The following CEP295NL variants were observed in gnomAD, a reference collection of about 807,000 sequenced individuals.
CEP295NL encodes the protein protein DDC8 homolog.
A neutral mutation model predicts 4.6 loss-of-function variants in CEP295NL; 3 were observed. The ratio of observed to expected loss-of-function variants is 0.65; its 90% confidence interval spans 0.30 to 1.69. The LOEUF (loss-of-function observed/expected upper bound fraction) is 1.69, where lower values mean the gene tolerates loss of function less well. Ranked by LOEUF, CEP295NL falls within the 40% of genes most tolerant of loss-of-function variation. CEP295NL has a pLI of 0.10. For synonymous variants in CEP295NL, 295 were observed against 312.2 expected, an observed-to-expected ratio of 0.94 and a Z score of 0.58; for missense variants, 719 against 769.0, an observed-to-expected ratio of 0.93 and a Z score of 0.77.
At position 78,891,830 on chromosome 17, in the gene CEP295NL, C is replaced by T; in HGVS notation, c.674G>A (p.Gly225Glu). The T allele has an allele frequency of 1.3e-6, 2 of 1,550,854 alleles. No individual in the cohort carries two copies. The highest frequency in any genetic ancestry group is 2.4e-5 in the South Asian group (2 of 84,064). Residue 225 changes from glycine to glutamate, a missense_variant, in exon 3 of 3, where the codon GGA becomes GAA. Gly to Glu is a moderately conservative substitution (Grantham distance 98, BLOSUM62 -2). Coordinates refer to ENST00000322630, the MANE Select transcript of CEP295NL (RefSeq NM_001243540.2). This position sits in a 1 kb window ranked among gnomAD's most constrained non-coding sequence, Gnocchi z 4.5. The stretch of plus-strand genomic sequence containing the variant: ...AGACTTGGTCGAAGGTTCTGGCCTT[C>T]CCTTTCTCTTCTCAGGCGGGGCCAG... ...SHLAPPEKRK[G>E]RPEPSTKSGG...
chr17:78,891,539 G>C lies in CEP295NL; in HGVS notation c.965C>G (p.Ala322Gly). 6.4e-7 allele frequency: 1 copy of C among 1,550,992 alleles called. No individual in the cohort carries two copies. The highest frequency in any genetic ancestry group is 8.7e-7 in the Non-Finnish European group (1 of 1,147,096). Residue 322 changes from alanine (A) to glycine (G), a missense_variant, in exon 3 of 3, where the codon GCC becomes GGC. Transcript: ENST00000322630. This position sits in a 1 kb window ranked among gnomAD's most constrained non-coding sequence, Gnocchi z 4.5. ...CGTGCACTGAGATGCTGGGGACACGGCTTCCCTTCTGCAGCTGGAATCAGC... is the reference window on the plus strand; with the variant it reads ...CGTGCACTGAGATGCTGGGGACACGCCTTCCCTTCTGCAGCTGGAATCAGC... Reference protein sequence around the residue: ...WPADSSCRREAVSPASQCTLR... With the variant: ...WPADSSCRREGVSPASQCTLR...
chr17:78,901,338 C>A, intron 2 of CEP295NL: 1 of 167,124 alleles, frequency 6.0e-6, no homozygotes, highest in South Asian at 1.5e-4. Flanking sequence ...AGGAATAAAC[C>A]TGTCCAGAAC....
rs1414883464 is a variant in CEP295NL, at chr17:78,901,821, G to A, written c.8C>T (p.Ser3Phe). 1 of 715,782 alleles carries A rather than the reference G, an allele frequency of 1.4e-6. No homozygotes were observed. The highest frequency in any genetic ancestry group is 2.0e-5 in the Admixed American group (1 of 49,706). 44.3% of individuals were successfully genotyped at this position (715,782 alleles called of 1,614,324 possible). A position where few individuals can be genotyped will look rare whatever the true frequency, so the allele number is the denominator to read the frequency against. Reference protein sequence around the residue: MCSGWSSSVIWRH... With the variant: MCFGWSSSVIWRH... ...CCAGATGACTGAGCTAGACCACCCA[G>A]AACACATTACAGGGAGGCAGAAGCT... The change falls in exon 2 of 3, where the codon TCT (serine) becomes TTT (phenylalanine). Residue 3 changes from serine (S) to phenylalanine (F), a missense_variant. Coordinates refer to ENST00000322630, the MANE Select transcript of CEP295NL (RefSeq NM_001243540.2).
rs2069898165 is a variant in CEP295NL at position 78,891,703 on chromosome 17, C to T, written c.801G>A (p.Glu267=). 1 of 1,551,014 alleles carries T rather than the reference C, an allele frequency of 6.4e-7. No individual in the cohort carries two copies. The highest frequency in any genetic ancestry group is 8.7e-7 in the Non-Finnish European group (1 of 1,147,130). ...CCCGAGCTGTTCCTTTCTCTTTTTC[C>T]TCCACAAGCCCGATTTCTCCCACAG... ...VAAVGEIGLV[E]EKEKGTARAG... is the part of the protein sequence containing the mutation. Residue 267 remains glutamate, a synonymous_variant, in exon 3 of 3, where the codon GAG becomes GAA. Coordinates refer to ENST00000322630, the MANE Select transcript of CEP295NL (RefSeq NM_001243540.2). The surrounding 1 kb of genome is among the most constrained non-coding windows in gnomAD (Gnocchi z 4.5).
rs113205945 is a variant in CEP295NL, at chr17:78,891,191, G to A, written c.1313C>T (p.Thr438Met). The change falls in exon 3 of 3, where the codon ACG becomes ATG. Residue 438 changes from threonine (T) to methionine (M), a missense_variant. Physicochemically the swap from Thr to Met is moderately conservative, Grantham distance 81. Coordinates refer to ENST00000322630, the MANE Select transcript of CEP295NL (RefSeq NM_001243540.2). The surrounding 1 kb of genome is among the most constrained non-coding windows in gnomAD (Gnocchi z 4.5). The stretch of plus-strand genomic sequence containing the variant: ...TCCATTTCTAAACGTGGGCTTGACC[G>A]TGCCCTGATATTTTTGGTTCTGGGC... ...GKAQNQKYQG[T>M]VKPTFRNGSQ... 16,412 of 1,550,660 alleles carry A rather than the reference G, an allele frequency of 0.011. 116 individuals carry two copies. Among genetic ancestry groups the A allele is most frequent in the Non-Finnish European group, 0.012 (14,128 of 1,147,008 alleles).
intron 2 of CEP295NL, among the ~76,000 whole-genome samples, chr17:78,900,506 C>G (rs984845733): frequency 2.7e-5 from 4 of 150,318 alleles, no homozygotes; most frequent in African/African-American, 9.8e-5. Flanking sequence ...GATCGCACCA[C>G]TGTACTCTAG....
In CEP295NL at chr17:78,890,842, C is replaced by T. The variant is rs934789998; in HGVS notation, c.1662G>A (p.Lys554=). ...TTTCCTGGGCTCTCGTGGAGGAGGA[C>T]TTCAGATGGGCCAGTCGAGCTCTTC... ...EQRRARLAHL[K]SSSTRAQERE... The change falls in exon 3 of 3, where the codon AAG becomes AAA. Residue 554 remains lysine, a synonymous_variant. Coordinates refer to ENST00000322630, the MANE Select transcript of CEP295NL (RefSeq NM_001243540.2). The T allele has an allele frequency of 9.0e-6, 14 of 1,550,610 alleles. No homozygotes were observed. Among genetic ancestry groups the T allele is most frequent in the Non-Finnish European group, 1.2e-5 (14 of 1,147,018 alleles).
At chr17:78,895,335 C>T (rs1333927446) in intron 2 of CEP295NL, among the ~76,000 whole-genome samples, 1 of 152,082 alleles carries the variant, frequency 6.6e-6, no homozygotes, top group African/African-American at 2.4e-5. Context: ...GATATTTCAC[C>T]AAAGAACATA....
chr17:78,901,591 T>C (rs1414767955), intron 2 of CEP295NL, among the ~76,000 whole-genome samples, 194 bp downstream of exon 2: 1 of 151,978 alleles, frequency 6.6e-6, no homozygotes, highest in African/African-American at 2.4e-5. Flanking sequence ...TTGCAAAGGA[T>C]AGAAAAGTCT....
In CEP295NL at chr17:78,896,006, C is replaced by T. The variant is rs1395604389; in HGVS notation, c.45-3547G>A. Among the ~76,000 whole-genome samples, 3 of 152,236 alleles carry T rather than the reference C, an allele frequency of 2.0e-5. No individual in the cohort carries two copies. Among genetic ancestry groups the T allele is most frequent in the Non-Finnish European group, 4.4e-5 (3 of 68,038 alleles). Reference sequence around the variant, plus strand: ...TGGCGTGGGCATCCCAATGAAGCAGCGTCAGTTTTCCTGGAGACACGCAAA... The same window carrying T: ...TGGCGTGGGCATCCCAATGAAGCAGTGTCAGTTTTCCTGGAGACACGCAAA... On this transcript the variant is annotated intron_variant, in intron 2 of 2. Coordinates refer to ENST00000322630, the MANE Select transcript of CEP295NL (RefSeq NM_001243540.2). This position sits in a 1 kb window ranked among gnomAD's most constrained non-coding sequence, Gnocchi z 4.4.
In CEP295NL at chr17:78,892,229, G is replaced by T; in HGVS notation, c.275C>A (p.Ala92Asp). ...CTTGGCATCCGCTCTTCTCTGCAGA[G>T]CGAGATCGCCTTTGCCCCGGGCTTG... is the stretch of plus-strand genomic sequence containing the variant. The part of the protein sequence containing the change: ...LLQARGKGDL[A>D]LQRRADAKLW... The change falls in exon 3 of 3, where the codon GCT becomes GAT. Residue 92 changes from alanine (A) to aspartate (D), a missense_variant. Ala to Asp is a moderately radical substitution (Grantham distance 126, BLOSUM62 -2). Transcript: ENST00000322630. The T allele has an allele frequency of 6.4e-7, 1 of 1,551,038 alleles. No homozygotes were observed. The highest frequency in any genetic ancestry group is 8.7e-7 in the Non-Finnish European group (1 of 1,147,090).
At chr17:78,897,748 C>T (rs2070026133) in intron 2 of CEP295NL, 1 of 152,298 alleles carries the variant, frequency 6.6e-6, no homozygotes, top group Admixed American at 6.5e-5. Flanking sequence ...CCTCCAGATA[C>T]AGGGACAACC....
intron 2 of CEP295NL, among the ~76,000 whole-genome samples, chr17:78,893,875 G>A (rs1286398001): frequency 1.5e-4 from 23 of 152,122 alleles, no homozygotes; most frequent in Admixed American, 1.4e-3. Context: ...AAAACAGTAC[G>A]GGATTGTGTC....
In CEP295NL at chr17:78,901,918, C is replaced by T. The variant is rs549975808; in HGVS notation, c.-90G>A. 8.1e-6 allele frequency: 5 copies of T among 619,472 alleles called. No homozygotes were observed. The highest frequency in any genetic ancestry group is 3.7e-5 in the African/African-American group (2 of 53,792). The allele number at this position is 619,472 out of a possible 1,614,324, so 38.4% of individuals were successfully genotyped here. A position where few individuals can be genotyped will look rare whatever the true frequency, so the allele number is the denominator to read the frequency against. ...TGGGCTGACTTTGTAGGTAGTGAGA[C>T]GCCCATCACTGGAGGCATCCGAACC... On this transcript the variant is annotated 5_prime_UTR_variant, in exon 2 of 3. Coordinates refer to ENST00000322630, the MANE Select transcript of CEP295NL (RefSeq NM_001243540.2).
In CEP295NL at chr17:78,891,414, C is replaced by T. The variant is rs2069891621; in HGVS notation, c.1090G>A (p.Ala364Thr). 4.5e-6 allele frequency: 7 copies of T among 1,550,752 alleles called. No individual in the cohort carries two copies. In the East Asian group the frequency reaches 1.7e-4, roughly 38 times the overall value. Residue 364 changes from alanine to threonine, a missense_variant, in exon 3 of 3, where the codon GCA (alanine) becomes ACA (threonine). By Grantham distance (58) the Ala-to-Thr change is moderately conservative. Transcript: ENST00000322630. This position sits in a 1 kb window ranked among gnomAD's most constrained non-coding sequence, Gnocchi z 4.5. Reference sequence around the variant, plus strand: ...CTCTGGTCCATCCTGGGCTTCAGTGCCAGGTACAAGCACAGGTGTTTTTTC... The same window carrying T: ...CTCTGGTCCATCCTGGGCTTCAGTGTCAGGTACAAGCACAGGTGTTTTTTC... ...KLKKHLCLYL[A>T]LKPRMDQRPG...
At chr17:78,899,972 C>T (rs2070064856) in intron 2 of CEP295NL, 1 of 152,192 alleles carries the variant, frequency 6.6e-6, no homozygotes, top group Admixed American at 6.5e-5. Flanking sequence ...ATAATTAGAG[C>T]TTACCCTTTC....
chr17:78,897,112 C>T (rs1409115081), intron 2 of CEP295NL: 7 of 509,142 alleles, frequency 1.4e-5, no homozygotes, highest in South Asian at 1.7e-4. Context: ...CGCCCCCCGC[C>T]GGCCTCCTCA....
intron 2 of CEP295NL, chr17:78,897,110 G>A (rs1372215301): frequency 9.4e-5 from 49 of 521,086 alleles, no homozygotes; most frequent in Non-Finnish European, 1.1e-4. Flanking sequence ...CCCGCCCCCC[G>A]CCGGCCTCCT....
intron 1 of CEP295NL, chr17:78,902,612 G>C (rs890422316): frequency 6.6e-6 from 1 of 152,416 alleles, no homozygotes; most frequent in Non-Finnish European, 1.5e-5. Context: ...GGGCAAGCTC[G>C]GGCTCAGGCC....
Sources: allele counts gnomAD v4.1 joint callset (sites outside exome capture counted in the v4.1 genomes callset), GRCh38; gene constraint gnomAD v4.1.1; non-coding constraint Gnocchi (gnomAD v3.1); transcripts MANE v1.5; gene names NCBI Gene and HGNC (gene_info 2026-07-23, HGNC 2026-07-21).